MUC5B: variants seen among roughly 807,000 people sequenced by gnomAD.
The protein encoded by MUC5B is mucin-5B.
MUC5B carries 116 observed loss-of-function variants against 376.9 expected under a neutral mutation model. That is an observed-to-expected ratio of 0.31 (90% confidence interval 0.26 to 0.36). The LOEUF is 0.36. Ranked by LOEUF, MUC5B falls within the 10% of genes least tolerant of loss-of-function variation. The pLI is 1.00. For synonymous variants in MUC5B, 3,517 were observed against 3,390.9 expected, an observed-to-expected ratio of 1.04 and a Z score of -1.29; for missense variants, 7,165 against 7,769.9, an observed-to-expected ratio of 0.92 and a Z score of 2.93.
chr11:1,248,702 G>T lies in MUC5B; in HGVS notation c.11822G>T (p.Ser3941Ile). ...ACACCCTCCTCTAGCACACAGACCA[G>T]TGGTACTCCCCCATCACTGATCACC... ...MATPSSSTQTSGTPPSLITTA... is the reference protein window; with the variant it reads ...MATPSSSTQTIGTPPSLITTA... Residue 3941 changes from serine (S) to isoleucine (I), a missense_variant, in exon 31 of 49, where the codon AGT becomes ATT. Coordinates refer to ENST00000529681, the MANE Select transcript of MUC5B (RefSeq NM_002458.3). 6.4e-7 allele frequency: 1 copy of T among 1,572,822 alleles called. No individual in the cohort carries two copies. Among genetic ancestry groups the T allele is most frequent in the Admixed American group, 1.9e-5 (1 of 52,656 alleles).
rs759248410 is a variant in MUC5B at position 1,232,751 on chromosome 11, C to T, written c.2046C>T (p.Asp682=). 6.3e-7 allele frequency: 1 copy of T among 1,597,014 alleles called. No individual in the cohort carries two copies. The highest frequency in any genetic ancestry group is 8.5e-7 in the Non-Finnish European group (1 of 1,170,380). ...CCGCCAAGGGCGTACAGCTCAGCGACTGGAGGGACGGCGTCTGCAGTGAGT... is the reference window on the plus strand; with the variant it reads ...CCGCCAAGGGCGTACAGCTCAGCGATTGGAGGGACGGCGTCTGCAGTGAGT... ...ACAAKGVQLS[D]WRDGVCTKYM... is the part of the protein sequence containing the mutation. The change falls in exon 17 of 49, where the codon GAC becomes GAT. Residue 682 remains aspartate (D), a synonymous_variant. Coordinates refer to ENST00000529681, the MANE Select transcript of MUC5B (RefSeq NM_002458.3).
At chr11:1,230,804 C>A in intron 12 of MUC5B, 132 bp from the exon 13 acceptor site, 1 of 1,144,532 alleles carries the variant, frequency 8.7e-7, no homozygotes. Context: ...GCAGAGCCCA[C>A]CGCAGGTCCA....
In MUC5B at chr11:1,241,230, G is replaced by C. The variant is rs774473285; in HGVS notation, c.4350G>C (p.Thr1450=). Residue 1450 remains threonine (T), a synonymous_variant, in exon 31 of 49, where the codon ACG becomes ACC. Transcript: ENST00000529681. ...TSPQPSLSAS[T]EPAVPTPTQT... ...CTCAGCCCTCCCTCAGTGCCAGCAC[G>C]GAGCCTGCTGTGCCTACCCCAACCC... The C allele has an allele frequency of 3.8e-6, 6 of 1,591,110 alleles. No homozygotes were observed. The highest frequency in any genetic ancestry group is 1.3e-5 in the African/African-American group (1 of 74,228).
chr11:1,248,880 C>T lies in MUC5B; in HGVS notation c.12000C>T (p.His4000=). The T allele has an allele frequency of 1.3e-6, 2 of 1,549,860 alleles. No individual in the cohort carries two copies. The highest frequency in any genetic ancestry group is 1.2e-5 in the South Asian group (1 of 85,022). Residue 4000 remains histidine, a synonymous_variant, in exon 31 of 49, where the codon CAC becomes CAT. Transcript: ENST00000529681. The stretch of plus-strand genomic sequence containing the variant: ...CCTCCTCTGCCCTAGGGACCACCCA[C>T]ACACCCCCAGTGCCGAACACCACGG... ...VTPSSALGTT[H]TPPVPNTTAT...
Position 1,246,291 on chromosome 11 carries a change from G to C in MUC5B, c.9411G>C (p.Glu3137Asp). ...CGGGGACGACCTGGATCCTCACAGA[G>C]CTGACCACAGCAGCCACTACAACTG... ...STPGTTWILT[E>D]LTTAATTTAA... Residue 3137 changes from glutamate to aspartate, a missense_variant, in exon 31 of 49, where the codon GAG (glutamate) becomes GAC (aspartate). By Grantham distance (45) the Glu-to-Asp change is conservative (BLOSUM62 2). This residue lies in a region of MUC5B where 939 missense variants were observed against 770.6 expected (regional missense o/e 1.22). Coordinates refer to ENST00000529681, the MANE Select transcript of MUC5B (RefSeq NM_002458.3). 1 of 1,610,734 alleles carries C rather than the reference G, an allele frequency of 6.2e-7. No homozygotes were observed. Among genetic ancestry groups the C allele is most frequent in the Non-Finnish European group, 8.5e-7 (1 of 1,178,194 alleles).
chr11:1,243,575 C>T lies in MUC5B; in HGVS notation c.6695C>T (p.Thr2232Met), dbSNP rs201102567. The change falls in exon 31 of 49, where the codon ACG becomes ATG. Residue 2232 changes from threonine to methionine, a missense_variant. Physicochemically the swap from Thr to Met is moderately conservative, Grantham distance 81 (BLOSUM62 -1). Coordinates refer to ENST00000529681, the MANE Select transcript of MUC5B (RefSeq NM_002458.3). ...LGTTHITEPS[T>M]VTSHTLAATT... Reference sequence around the variant, plus strand: ...ACCACCCACATCACAGAGCCTTCCACGGTGACTTCCCACACCCTAGCAGCA... The same window carrying T: ...ACCACCCACATCACAGAGCCTTCCATGGTGACTTCCCACACCCTAGCAGCA... 6.0e-4 allele frequency: 972 copies of T among 1,608,510 alleles called. 4 individuals carry two copies. The African/African-American group carries it at 9.7e-3, about 16-fold the overall frequency.
chr11:1,233,388 G>A, intron 18 of MUC5B, 120 bp downstream of exon 18: 1 of 1,180,428 alleles, frequency 8.5e-7, no homozygotes, highest in Non-Finnish European at 1.2e-6. Context: ...AGGCTGGGGA[G>A]AGTGGGGCAG....
chr11:1,242,500 G>A lies in MUC5B; in HGVS notation c.5620G>A (p.Val1874Met), dbSNP rs550578181. The change falls in exon 31 of 49, where the codon GTG (valine) becomes ATG (methionine). Residue 1874 changes from valine (V) to methionine (M), a missense_variant. Val to Met is a conservative substitution (Grantham distance 21). Transcript: ENST00000529681. ...GRFNMCFNYNVRVLCCDDYSH... is the reference protein window; with the variant it reads ...GRFNMCFNYNMRVLCCDDYSH... ...GTTCAACATGTGCTTCAACTACAACGTGCGTGTGCTTTGCTGTGACGACTA... is the reference window on the plus strand; with the variant it reads ...GTTCAACATGTGCTTCAACTACAACATGCGTGTGCTTTGCTGTGACGACTA... 3.8e-4 allele frequency: 616 copies of A among 1,613,704 alleles called. 5 individuals carry two copies. The South Asian group carries it at 5.9e-3, about 16-fold the overall frequency.
rs774607866 is a variant in MUC5B at position 1,240,934 on chromosome 11, G to A, written c.4054G>A (p.Gly1352Ser). ...GTACAATGGGCACCGCCCAGAGCCC[G>A]GCCTGGGAGGCGGAGACTTTGAGAC... Reference protein sequence around the residue: ...SWYNGHRPEPGLGGGDFETFE... With the variant: ...SWYNGHRPEPSLGGGDFETFE... The change falls in exon 31 of 49, where the codon GGC (glycine) becomes AGC (serine). Residue 1352 changes from glycine (G) to serine (S), a missense_variant. Transcript: ENST00000529681. 1.1e-5 allele frequency: 18 copies of A among 1,613,064 alleles called. No individual in the cohort carries two copies. The highest frequency in any genetic ancestry group is 1.7e-4 in the Middle Eastern group (1 of 5,982).
At position 1,247,329 on chromosome 11, in the gene MUC5B, C is replaced by G; in HGVS notation, c.10449C>G (p.His3483Gln). 6.2e-7 allele frequency: 1 copy of G among 1,611,510 alleles called. No homozygotes were observed. Among genetic ancestry groups the G allele is most frequent in the Non-Finnish European group, 8.5e-7 (1 of 1,179,574 alleles). The change falls in exon 31 of 49, where the codon CAC becomes CAG. Residue 3483 changes from histidine to glutamine, a missense_variant. This residue lies in a region of MUC5B where 939 missense variants were observed against 770.6 expected (regional missense o/e 1.22). Transcript: ENST00000529681. ...SATSGILGTT[H>Q]ITEPSTVTSH... ...CCTCGGGCATCTTGGGCACCACCCA[C>G]ATCACAGAGCCTTCCACGGTGACTT...
At chr11:1,255,335 A>AGCTCCCTGGGGCT in intron 36 of MUC5B, 48 bp from the exon 37 acceptor site, 1 of 1,381,304 alleles carries the variant, frequency 7.2e-7, no homozygotes, top group Non-Finnish European at 9.8e-7. Flanking sequence ...GCACGCACGC[A>AGCTCCCTGGGGCT]GCTCCCTGGG....
chr11:1,256,009 G>A, intron 37 of MUC5B, 147 bp from the exon 38 acceptor site: 1 of 434,440 alleles, frequency 2.3e-6, no homozygotes, highest in South Asian at 2.4e-5. Flanking sequence ...AGACCCCTCG[G>A]CCTCTCTGAG....
intron 11 of MUC5B, 32 bp downstream of exon 11, chr11:1,230,175 C>G (rs1361425612): frequency 1.9e-6 from 3 of 1,563,426 alleles, no homozygotes; most frequent in Non-Finnish European, 2.6e-6. Context: ...TTCAGACACC[C>G]AGACCCTCCT....
chr11:1,258,213 G>A lies in MUC5B; in HGVS notation c.16555+10G>A, dbSNP rs1365613099. The stretch of plus-strand genomic sequence containing the variant: ...CCCACCTTCCGCTGCAGTGAGCGGG[G>A]CTGGGGCCGGGCTCCTGGGTGGCCT... On this transcript the variant is annotated intron_variant, in intron 42 of 48. Coordinates refer to ENST00000529681, the MANE Select transcript of MUC5B (RefSeq NM_002458.3). This position sits in a 1 kb window ranked among gnomAD's most constrained non-coding sequence, Gnocchi z 5.5. 1 of 1,579,186 alleles carries A rather than the reference G, an allele frequency of 6.3e-7. No individual in the cohort carries two copies. The highest frequency in any genetic ancestry group is 8.6e-7 in the Non-Finnish European group (1 of 1,163,428).
chr11:1,236,331 G>A, intron 23 of MUC5B, 55 bp from the exon 24 acceptor site: 2 of 1,548,550 alleles, frequency 1.3e-6, no homozygotes, highest in Non-Finnish European at 8.7e-7. Context: ...TGGGTCTCAG[G>A]CCCCTCCCTG....
Position 1,261,369 on chromosome 11 carries a change from G to A in MUC5B, c.17070-20G>A, listed in dbSNP as rs1269949709. ...GGCGGGGCCAAGGTGGCTGATGTGA[G>A]GGCCACCCTGCGTCCACAGGTACTC... is the stretch of plus-strand genomic sequence containing the variant. On this transcript the variant is annotated intron_variant, in intron 48 of 48. Transcript: ENST00000529681. The A allele has an allele frequency of 6.5e-7, 1 of 1,535,012 alleles. No homozygotes were observed.
At position 1,261,368 on chromosome 11, in the gene MUC5B, AG is replaced by A; in HGVS notation, c.17070-18del. 3 of 1,533,178 alleles carry A rather than the reference AG, an allele frequency of 2.0e-6. No individual in the cohort carries two copies. In the South Asian group the frequency reaches 3.6e-5, roughly 18 times the overall value. 95.0% of individuals were successfully genotyped at this position (1,533,178 alleles called of 1,614,324 possible). A position where few individuals can be genotyped will look rare whatever the true frequency, so the allele number is the denominator to read the frequency against. ...CGGCGGGGCCAAGGTGGCTGATGTG[AG>A]GGCCACCCTGCGTCCACAGGTACTC... On this transcript the variant is annotated intron_variant, in intron 48 of 48. Coordinates refer to ENST00000529681, the MANE Select transcript of MUC5B (RefSeq NM_002458.3).
In MUC5B at chr11:1,239,541, C is replaced by G; in HGVS notation, c.3558C>G (p.Cys1186Trp). ...CCTGCCGGAACCCCAGTGGGCACTG[C>G]CTGGTGGACCTGCCTGGCCTGGAAG... ...LKTCRNPSGH[C>W]LVDLPGLEGC... The change falls in exon 27 of 49, where the codon TGC (cysteine) becomes TGG (tryptophan). Residue 1186 changes from cysteine (C) to tryptophan (W), a missense_variant. This residue lies in a region of MUC5B where 517 missense variants were observed against 545.3 expected (regional missense o/e 0.95). Coordinates refer to ENST00000529681, the MANE Select transcript of MUC5B (RefSeq NM_002458.3). The G allele has an allele frequency of 5.0e-6, 8 of 1,590,238 alleles. No individual in the cohort carries two copies. The highest frequency in any genetic ancestry group is 6.9e-6 in the Non-Finnish European group (8 of 1,164,542).
chr11:1,246,376 G>A lies in MUC5B; in HGVS notation c.9496G>A (p.Glu3166Lys), dbSNP rs762601905. ...CCCAGGGACCACCTGGATCCTCACA[G>A]AGCCCAGCACTACAGCCACCGTGAC... is the stretch of plus-strand genomic sequence containing the variant. The part of the protein sequence containing the change: ...STPGTTWILT[E>K]PSTTATVTVP... The change falls in exon 31 of 49, where the codon GAG (glutamate) becomes AAG (lysine). Residue 3166 changes from glutamate (E) to lysine (K), a missense_variant. Glu to Lys is a moderately conservative substitution (Grantham distance 56). This residue lies in a region of MUC5B where 939 missense variants were observed against 770.6 expected (regional missense o/e 1.22). Coordinates refer to ENST00000529681, the MANE Select transcript of MUC5B (RefSeq NM_002458.3). 2.2e-5 allele frequency: 35 copies of A among 1,613,420 alleles called. No individual in the cohort carries two copies. In the Admixed American group the frequency reaches 5.3e-4, roughly 25 times the overall value.
Sources: gnomAD v4.1 joint callset for allele counts on GRCh38, gnomAD v4.1.1 for gene constraint, gnomAD v4.1.1 regional missense constraint, Gnocchi (gnomAD v3.1) non-coding constraint, MANE v1.5 for transcripts, NCBI Gene and HGNC (gene_info 2026-07-23, HGNC 2026-07-21) for gene names.